The following DTWD1 variants were observed in gnomAD, a reference collection of about 807,000 sequenced individuals.
DTWD1 encodes the protein DTW motif tRNA-uridine aminocarboxypropyltransferase 1.
A neutral mutation model predicts 30.2 loss-of-function variants in DTWD1; 27 were observed. That is an observed-to-expected ratio of 0.90 (90% CI 0.66 to 1.23). The LOEUF (loss-of-function observed/expected upper bound fraction) is 1.23. DTWD1 is among the 50% of genes most tolerant of loss of function. DTWD1 has a pLI of 0.00. For missense variants in DTWD1, 342 were observed against 348.8 expected (o/e 0.98, Z 0.15); for synonymous variants, 99 against 113.1 (o/e 0.88, Z 0.79).
rs1024399776 is a variant in DTWD1, at chr15:49,649,367, A to G, written c.*5789A>G. 1.3e-5 allele frequency: 2 copies of G among 152,166 alleles called. No individual in the cohort carries two copies. Among genetic ancestry groups the G allele is most frequent in the Non-Finnish European group, 2.9e-5 (2 of 68,028 alleles). The allele number at this position is 152,166 out of a possible 1,614,324, so 9.4% of individuals were successfully genotyped here. Reference sequence around the variant, plus strand: ...TTACCTCCCATATATTCTTGAGATAAAGATGCTTAGGAGAATACTGAAGAT... The same window carrying G: ...TTACCTCCCATATATTCTTGAGATAGAGATGCTTAGGAGAATACTGAAGAT... On this transcript the variant is annotated 3_prime_UTR_variant, in exon 5 of 5. Coordinates refer to ENST00000403028, the MANE Select transcript of DTWD1 (RefSeq NM_001144955.2).
At position 49,655,698 on chromosome 15, in the gene DTWD1, G is replaced by A. The variant is rs1174897833; in HGVS notation, c.*12120G>A. On this transcript the variant is annotated 3_prime_UTR_variant, in exon 5 of 5. Transcript: ENST00000403028. ...CTTCACAAAGGATCTTACAGCCTTT[G>A]ATTTTATTATCACTCTGGGACCACG... The A allele has an allele frequency of 6.6e-6, 1 of 151,986 alleles. No homozygotes were observed. The highest frequency in any genetic ancestry group is 1.5e-5 in the Non-Finnish European group (1 of 67,980). The allele number at this position is 151,986 out of a possible 1,614,324, so 9.4% of individuals were successfully genotyped here.
In DTWD1 at chr15:49,641,078, T is replaced by C. The variant is rs149900180; in HGVS notation, c.668-2253T>C. On this transcript the variant is annotated intron_variant, in intron 4 of 4. Coordinates refer to ENST00000403028, the MANE Select transcript of DTWD1 (RefSeq NM_001144955.2). ...TATGTTAAATAAGAAAGACCTCTAA[T>C]GCAATATTTAATTGAAGCCAGTTAT... is the stretch of plus-strand genomic sequence containing the variant. Among the ~76,000 whole-genome samples, 692 of 152,170 alleles carry C rather than the reference T, an allele frequency of 4.5e-3. 6 individuals are homozygous for C. The highest frequency in any genetic ancestry group is 0.016 in the African/African-American group (647 of 41,566).
In DTWD1 at chr15:49,646,056, A is replaced by G. The variant is rs1411191213; in HGVS notation, c.*2478A>G. On this transcript the variant is annotated 3_prime_UTR_variant, in exon 5 of 5. Transcript: ENST00000403028. ...TTACACTTGTGCTTCTGCTGTTGAC[A>G]TAAGAATATGCATGGCTGAGTTAGC... 3 of 152,194 alleles carry G rather than the reference A, an allele frequency of 2.0e-5. No individual in the cohort carries two copies. The highest frequency in any genetic ancestry group is 7.2e-5 in the African/African-American group (3 of 41,460). The allele number at this position is 152,194 out of a possible 1,614,324, so 9.4% of individuals were successfully genotyped here.
Position 49,649,459 on chromosome 15 carries a change from A to C in DTWD1, c.*5881A>C, listed in dbSNP as rs1310203968. On this transcript the variant is annotated 3_prime_UTR_variant, in exon 5 of 5. Coordinates refer to ENST00000403028, the MANE Select transcript of DTWD1 (RefSeq NM_001144955.2). The stretch of plus-strand genomic sequence containing the variant: ...GAGAGCATTAAGAAGTCAGCAGGCC[A>C]GGCGCGGTGGCTCACGCCTCTAATC... 1 of 152,156 alleles carries C rather than the reference A, an allele frequency of 6.6e-6. No homozygotes were observed. Among genetic ancestry groups the C allele is most frequent in the Non-Finnish European group, 1.5e-5 (1 of 68,038 alleles). 9.4% of individuals were successfully genotyped at this position (152,156 alleles called of 1,614,324 possible). A position where few individuals can be genotyped will look rare whatever the true frequency, so the allele number is the denominator to read the frequency against.
chr15:49,621,985 A>C (rs17480889), intron 1 of DTWD1, among the ~76,000 whole-genome samples: 4,295 of 152,290 alleles, frequency 0.028, 97 homozygotes, highest in Middle Eastern at 0.051. Flanking sequence ...GTCAGCTTAC[A>C]ATAATGGAAG....
chr15:49,635,226 G>A (rs1036314628), intron 4 of DTWD1, among the ~76,000 whole-genome samples: 2 of 151,890 alleles, frequency 1.3e-5, no homozygotes, highest in Non-Finnish European at 2.9e-5. Flanking sequence ...GTAGAGACGG[G>A]GATTCATCAT....
At chr15:49,639,119 G>T (rs1337918380) in intron 4 of DTWD1, among the ~76,000 whole-genome samples, 1 of 152,130 alleles carries the variant, frequency 6.6e-6, no homozygotes, top group Non-Finnish European at 1.5e-5. Flanking sequence ...TGAGTGCTGT[G>T]TCCTATACTA....
chr15:49,639,687 A>G (rs2079043095), intron 4 of DTWD1, among the ~76,000 whole-genome samples: 1 of 152,232 alleles, frequency 6.6e-6, no homozygotes, highest in Admixed American at 6.5e-5. Context: ...TAGAATGCAT[A>G]CATATATGAG....
rs569714008 is a variant in DTWD1, at chr15:49,647,698, A to G, written c.*4120A>G. 4.6e-5 allele frequency: 7 copies of G among 152,244 alleles called. No homozygotes were observed. Among genetic ancestry groups the G allele is most frequent in the Middle Eastern group, 3.4e-3 (1 of 294 alleles). The allele number at this position is 152,244 out of a possible 1,614,324, so 9.4% of individuals were successfully genotyped here. A position where few individuals can be genotyped will look rare whatever the true frequency, so the allele number is the denominator to read the frequency against. ...ACCAGCCAAAAATCACCACCCATAC[A>G]TAAGAGCCAAACATCACTAGACACT... On this transcript the variant is annotated 3_prime_UTR_variant, in exon 5 of 5. Transcript: ENST00000403028.
chr15:49,633,006 G>A (rs984558924), intron 3 of DTWD1, among the ~76,000 whole-genome samples: 17 of 138,026 alleles, frequency 1.2e-4, no homozygotes, highest in African/African-American at 3.9e-4. Flanking sequence ...ATTTGTTCCA[G>A]GAAGAACTTG....
chr15:49,624,150 CT>C (rs1320290551), intron 1 of DTWD1, among the ~76,000 whole-genome samples: 1 of 152,142 alleles, frequency 6.6e-6, no homozygotes, highest in African/African-American at 2.4e-5. Context: ...TTTCTCTGGA[CT>C]TTTTGTTCAC....
rs1260008084 is a variant in DTWD1, at chr15:49,643,617, A to G, written c.*39A>G. On this transcript the variant is annotated 3_prime_UTR_variant, in exon 5 of 5. Coordinates refer to ENST00000403028, the MANE Select transcript of DTWD1 (RefSeq NM_001144955.2). ...ACTTATGTCTTTTTATTTTGCTAAC[A>G]TTAATAAACTTATATTTGTGCTTTG... 2.0e-6 allele frequency: 3 copies of G among 1,528,674 alleles called. No individual in the cohort carries two copies. The highest frequency in any genetic ancestry group is 1.3e-5 in the South Asian group (1 of 77,590). The allele number at this position is 1,528,674 out of a possible 1,614,324, so 94.7% of individuals were successfully genotyped here. A position where few individuals can be genotyped will look rare whatever the true frequency, so the allele number is the denominator to read the frequency against.
At chr15:49,632,119 T>A in intron 2 of DTWD1, 40 bp from the exon 3 acceptor site, 1 of 1,465,104 alleles carries the variant, frequency 6.8e-7, no homozygotes, top group Non-Finnish European at 9.1e-7. Flanking sequence ...AAAATTAAAA[T>A]GTTTATATAT....
intron 4 of DTWD1, among the ~76,000 whole-genome samples, chr15:49,637,650 C>T (rs1221016048): frequency 6.6e-6 from 1 of 152,078 alleles, no homozygotes; most frequent in Non-Finnish European, 1.5e-5. Flanking sequence ...CTTTACTTGT[C>T]CATGTATGAT....
At chr15:49,639,126 A>G (rs2079036124) in intron 4 of DTWD1, among the ~76,000 whole-genome samples, 1 of 152,172 alleles carries the variant, frequency 6.6e-6, no homozygotes, top group South Asian at 2.1e-4. Context: ...TGTGTCCTAT[A>G]CTACCTTATT....
rs1567738731 is a variant in DTWD1 at position 49,632,360 on chromosome 15, C to A, written c.408+58C>A. 9 of 1,486,836 alleles carry A rather than the reference C, an allele frequency of 6.1e-6. No individual in the cohort carries two copies. The East Asian group carries it at 1.7e-4, about 28-fold the overall frequency. The allele number at this position is 1,486,836 out of a possible 1,614,324, so 92.1% of individuals were successfully genotyped here. ...TGGATATAAAAATGAATTTTAACCT[C>A]CATTGCCTTTCTGAACTTACTCAAA... is the stretch of plus-strand genomic sequence containing the variant. On this transcript the variant is annotated intron_variant, in intron 3 of 4. Coordinates refer to ENST00000403028, the MANE Select transcript of DTWD1 (RefSeq NM_001144955.2).
chr15:49,621,478 T>G (rs976021232), intron 1 of DTWD1: 2 of 152,068 alleles, frequency 1.3e-5, no homozygotes, highest in Non-Finnish European at 2.9e-5. Context: ...TTGGAGTGGT[T>G]TGTGGGGGTT....
At chr15:49,624,932 ACTTTC>A (rs1156319855) in intron 1 of DTWD1, among the ~76,000 whole-genome samples, 176 bp from the exon 2 acceptor site, 1 of 152,220 alleles carries the variant, frequency 6.6e-6, no homozygotes, top group Non-Finnish European at 1.5e-5. Flanking sequence ...ATTTGAAATA[ACTTTC>A]AGTTTATTGC....
intron 2 of DTWD1, among the ~76,000 whole-genome samples, chr15:49,629,127 C>A (rs146456326): frequency 2.2e-4 from 33 of 152,250 alleles, no homozygotes; most frequent in African/African-American, 7.9e-4. Context: ...TATTTTGTTA[C>A]TCTGTACTCT....
Sources: gnomAD v4.1 joint callset for allele counts (sites outside exome capture counted in the v4.1 genomes callset) on GRCh38, gnomAD v4.1.1 for gene constraint, MANE v1.5 for transcripts, NCBI Gene and HGNC (gene_info 2026-07-23, HGNC 2026-07-21) for gene names.